MAGI2: variants seen among roughly 807,000 people sequenced by gnomAD.
MAGI2 encodes the protein membrane associated guanylate kinase, WW and PDZ domain containing 2.
Under a neutral mutation model 133.3 loss-of-function variants are expected in MAGI2, and 35 were observed. That is an observed-to-expected ratio of 0.26 (90% confidence interval 0.20 to 0.35). The LOEUF is 0.35. MAGI2 is among the 10% of genes least tolerant of loss of function. MAGI2 has a pLI of 1.00. For missense variants in MAGI2, 1,636 were observed against 1,863.4 expected (o/e 0.88, Z 2.25); for synonymous variants, 729 against 710.6 (o/e 1.03, Z -0.41).
intron 6 of MAGI2, among the ~76,000 whole-genome samples, chr7:78,455,059 T>C (rs923765713): frequency 6.6e-6 from 1 of 152,036 alleles, no homozygotes; most frequent in Non-Finnish European, 1.5e-5. Context: ...AAGTAAACAA[T>C]GGACTTTAGT....
At chr7:79,110,392 G>A (rs1818829800) in intron 1 of MAGI2, among the ~76,000 whole-genome samples, 1 of 152,130 alleles carries the variant, frequency 6.6e-6, no homozygotes, top group Non-Finnish European at 1.5e-5. Context: ...CCTAAATATG[G>A]GACATGGAGT....
chr7:78,925,538 G>C (rs1010833195), intron 2 of MAGI2, among the ~76,000 whole-genome samples: 1 of 151,962 alleles, frequency 6.6e-6, no homozygotes, highest in Non-Finnish European at 1.5e-5. Context: ...CTCCTGTATG[G>C]TCAAAACCAT....
chr7:78,582,184 A>G (rs1333317733), intron 3 of MAGI2, among the ~76,000 whole-genome samples: 1 of 152,174 alleles, frequency 6.6e-6, no homozygotes, highest in African/African-American at 2.4e-5. Flanking sequence ...AGCAGAGTAA[A>G]CTGATTTTTG....
chr7:78,623,161 T>C (rs915233041), intron 3 of MAGI2, among the ~76,000 whole-genome samples: 2 of 152,118 alleles, frequency 1.3e-5, no homozygotes, highest in African/African-American at 4.8e-5. Flanking sequence ...CATTAACATT[T>C]GACATAATTT....
chr7:78,628,944 A>G (rs1808664290), intron 2 of MAGI2, among the ~76,000 whole-genome samples: 1 of 151,902 alleles, frequency 6.6e-6, no homozygotes, highest in Non-Finnish European at 1.5e-5. Context: ...AAAAAATCAC[A>G]TAACAAAGAC....
intron 1 of MAGI2, among the ~76,000 whole-genome samples, chr7:79,127,638 A>G (rs1440436416): frequency 6.6e-6 from 1 of 151,864 alleles, no homozygotes; most frequent in Non-Finnish European, 1.5e-5. Context: ...CCACTTTTTG[A>G]TGGGGTTGTT....
chr7:78,869,851 C>T (rs1794885208), intron 2 of MAGI2, among the ~76,000 whole-genome samples: 1 of 152,130 alleles, frequency 6.6e-6, no homozygotes, highest in Non-Finnish European at 1.5e-5. Context: ...CCATCAGTGT[C>T]CTTTCCCAAC....
intron 4 of MAGI2, among the ~76,000 whole-genome samples, chr7:78,520,907 C>G (rs139542045): frequency 5.8e-4 from 88 of 152,162 alleles, no homozygotes; most frequent in Middle Eastern, 3.4e-3. Flanking sequence ...GAAAAAGAAA[C>G]AAATATATGG....
intron 3 of MAGI2, among the ~76,000 whole-genome samples, chr7:78,522,586 C>T (rs1008335340): frequency 1.3e-5 from 2 of 152,148 alleles, no homozygotes; most frequent in African/African-American, 4.8e-5. Flanking sequence ...TGCCATGTTG[C>T]CCAGGCTGAT....
At chr7:79,197,284 T>C (rs1291190647) in intron 1 of MAGI2, among the ~76,000 whole-genome samples, 1 of 151,950 alleles carries the variant, frequency 6.6e-6, no homozygotes, top group Non-Finnish European at 1.5e-5. Flanking sequence ...GTGAGTTTGG[T>C]ATTAATGTCA....
Position 78,201,129 on chromosome 7 carries a change from A to G in MAGI2, c.2079+33T>C, listed in dbSNP as rs145348799. Reference sequence around the variant, plus strand: ...AAATGAAATTGCAATAGTAAGTAGAAATAAAGAAAGAAGCATAATAATTCC... The same window carrying G: ...AAATGAAATTGCAATAGTAAGTAGAGATAAAGAAAGAAGCATAATAATTCC... On this transcript the variant is annotated intron_variant, in intron 11 of 21. Transcript: ENST00000354212. 834 of 1,415,910 alleles carry G rather than the reference A, an allele frequency of 5.9e-4. 3 individuals carry two copies. The African/African-American group carries it at 0.011, about 19-fold the overall frequency. The allele number at this position is 1,415,910 out of a possible 1,614,324, so 87.7% of individuals were successfully genotyped here.
Position 78,308,586 on chromosome 7 carries a change from C to T in MAGI2, c.1408+35192G>A, listed in dbSNP as rs531216324. On this transcript the variant is annotated intron_variant, in intron 9 of 21. Transcript: ENST00000354212. ...GGAGGCACAGTAGTCTGCTTCTCTA[C>T]ACCCCATTTTCTTTGCCTACCATTT... Among the ~76,000 whole-genome samples, 281 of 151,646 alleles carry T rather than the reference C, an allele frequency of 1.9e-3. 2 individuals carry two copies. The highest frequency in any genetic ancestry group is 6.6e-3 in the African/African-American group (274 of 41,326).
intron 2 of MAGI2, among the ~76,000 whole-genome samples, chr7:78,828,531 T>C (rs1790865187): frequency 6.6e-6 from 1 of 152,074 alleles, no homozygotes. Context: ...TCAGCAAAAA[T>C]CTAAATATAC....
At chr7:78,295,952 A>T (rs527417076) in intron 9 of MAGI2, among the ~76,000 whole-genome samples, 1 of 152,170 alleles carries the variant, frequency 6.6e-6, no homozygotes, top group East Asian at 1.9e-4. Flanking sequence ...TAATTCAAAA[A>T]ATCTACCAGC....
chr7:79,450,720 A>G (rs967911993), intron 1 of MAGI2, among the ~76,000 whole-genome samples: 1 of 152,200 alleles, frequency 6.6e-6, no homozygotes, highest in African/African-American at 2.4e-5. Flanking sequence ...ATTAGATCAA[A>G]TTATGGCAAG....
In MAGI2 at chr7:78,397,291, A is replaced by G. The variant is rs111662878; in HGVS notation, c.1046-28078T>C. On this transcript the variant is annotated intron_variant, in intron 6 of 21. Transcript: ENST00000354212. ...AGCAGAGAAGGATTGAGTCTATAAA[A>G]ATACACTGGCGTCAAGGTGGCCAGA... is the stretch of plus-strand genomic sequence containing the variant. 2.6e-5 allele frequency among the ~76,000 whole-genome samples: 4 copies of G among 152,052 alleles called. 1 individual carries two copies. Among genetic ancestry groups the G allele is most frequent in the African/African-American group, 9.6e-5 (4 of 41,496 alleles).
intron 9 of MAGI2, among the ~76,000 whole-genome samples, chr7:78,263,830 C>A (rs1022867420): frequency 1.3e-5 from 2 of 152,136 alleles, no homozygotes; most frequent in Non-Finnish European, 2.9e-5. Context: ...GCTCTCAGTT[C>A]ACATTTTCAT....
chr7:78,072,852 G>T (rs535751599), intron 21 of MAGI2: 2 of 398,238 alleles, frequency 5.0e-6, no homozygotes, highest in Non-Finnish European at 8.8e-6. Context: ...GTAGAGACAA[G>T]GTCTCCCTAT....
intron 10 of MAGI2, among the ~76,000 whole-genome samples, chr7:78,241,608 GAATA>G (rs1396613029): frequency 6.6e-6 from 1 of 152,128 alleles, no homozygotes; most frequent in Non-Finnish European, 1.5e-5. Context: ...CACAAAGCTA[GAATA>G]AATCACATCA....
Sources: allele counts gnomAD v4.1 joint callset (sites outside exome capture counted in the v4.1 genomes callset), GRCh38; gene constraint gnomAD v4.1.1; transcripts MANE v1.5; gene names NCBI Gene and HGNC (gene_info 2026-07-23, HGNC 2026-07-21).